The following NUP37 variants were observed in gnomAD, a reference collection of about 807,000 sequenced individuals.
The protein encoded by NUP37 is nucleoporin Nup37.
In NUP37, 33 loss-of-function variants were observed where a neutral mutation model predicts 45.4. That is an observed-to-expected ratio of 0.73 (90% confidence interval 0.55 to 0.97). The LOEUF (loss-of-function observed/expected upper bound fraction) is 0.97, where lower values mean the gene tolerates loss of function less well. Ranked by LOEUF, NUP37 falls within the 50% of genes least tolerant of loss-of-function variation. NUP37 has a pLI of 0.00. For synonymous variants in NUP37, 127 were observed against 130.7 expected (o/e 0.97, Z 0.19); for missense variants, 365 against 389.7 (o/e 0.94, Z 0.53).
chr12:102,086,216 A>C (rs1300952151), intron 5 of NUP37, among the ~76,000 whole-genome samples: 6 of 152,164 alleles, frequency 3.9e-5, no homozygotes, highest in Non-Finnish European at 7.3e-5. Flanking sequence ...CTACTTCAGT[A>C]GTCATTTCAA....
At chr12:102,081,655 G>C (rs1879335327) in intron 6 of NUP37, among the ~76,000 whole-genome samples, 1 of 152,106 alleles carries the variant, frequency 6.6e-6, no homozygotes, top group South Asian at 2.1e-4. Flanking sequence ...ACTTAGTACA[G>C]TCCCTGGAAA....
chr12:102,109,892 T>C (rs1262301979), intron 3 of NUP37, among the ~76,000 whole-genome samples: 5 of 152,202 alleles, frequency 3.3e-5, no homozygotes, highest in African/African-American at 9.7e-5. Flanking sequence ...GCTTTAAAAA[T>C]TTAAAGAATC....
rs1879082186 is a variant in NUP37 at position 102,073,310 on chromosome 12, A to G, written c.*1044T>C. The G allele has an allele frequency of 6.6e-6, 1 of 152,212 alleles. No homozygotes were observed. The highest frequency in any genetic ancestry group is 1.5e-5 in the Non-Finnish European group (1 of 68,040). The allele number at this position is 152,212 out of a possible 1,614,324, so 9.4% of individuals were successfully genotyped here. On this transcript the variant is annotated 3_prime_UTR_variant, in exon 10 of 10. Transcript: ENST00000552283. ...GACTGTACCATGATGTATCCCAAAA[A>G]TGTGATACAGCTGTCTTAGATAACG...
intron 5 of NUP37, among the ~76,000 whole-genome samples, chr12:102,091,570 T>C (rs759461222): frequency 3.2e-4 from 49 of 152,266 alleles, no homozygotes; most frequent in Non-Finnish European, 6.0e-4. Flanking sequence ...CTAGGATCTA[T>C]ATTAACATAC....
At chr12:102,101,865 C>T (rs564141109) in intron 3 of NUP37, among the ~76,000 whole-genome samples, 13 of 152,170 alleles carry the variant, frequency 8.5e-5, no homozygotes, top group African/African-American at 3.1e-4. Flanking sequence ...GCTGGGATTA[C>T]AGGCGCCCAC....
intron 6 of NUP37, among the ~76,000 whole-genome samples, chr12:102,083,875 G>A (rs1352865231): frequency 6.6e-6 from 1 of 152,232 alleles, no homozygotes; most frequent in Non-Finnish European, 1.5e-5. Context: ...GCCACGGGAT[G>A]TGTTGAAAAT....
chr12:102,082,550 A>G (rs1302923812), intron 6 of NUP37, among the ~76,000 whole-genome samples: 2 of 152,230 alleles, frequency 1.3e-5, no homozygotes, highest in African/African-American at 4.8e-5. Context: ...AGCACATTTA[A>G]TCTTATGTAT....
At position 102,112,179 on chromosome 12, in the gene NUP37, G is replaced by A. The variant is rs780920838; in HGVS notation, c.210C>T (p.His70=). 1.9e-6 allele frequency: 3 copies of A among 1,613,414 alleles called. No individual in the cohort carries two copies. In the African/African-American group the frequency reaches 4.0e-5, roughly 22 times the overall value. ...CTATGCCATCAACCCTGACTCCATG[G>A]TGAAATGTTCGAAGTGTTTTATACT... ...GIQYKTLRTF[H]HGVRVDGIAW... The change falls in exon 3 of 10, where the codon CAC becomes CAT. Residue 70 remains histidine (H), a synonymous_variant. Transcript: ENST00000552283.
chr12:102,100,976 A>G, intron 4 of NUP37, 56 bp downstream of exon 4: 1 of 1,131,320 alleles, frequency 8.8e-7, no homozygotes, highest in African/African-American at 1.6e-5. Context: ...TTAAAAAAGC[A>G]AAAAACAAAC....
At chr12:102,082,264 G>T (rs913250374) in intron 6 of NUP37, among the ~76,000 whole-genome samples, 3 of 151,834 alleles carry the variant, frequency 2.0e-5, no homozygotes, top group Admixed American at 2.0e-4. Flanking sequence ...TATATCTCTT[G>T]GGATTTTCAT....
chr12:102,074,576 A>G (rs1879115718), intron 9 of NUP37, 109 bp from the exon 10 acceptor site: 1 of 674,444 alleles, frequency 1.5e-6, no homozygotes, highest in Non-Finnish European at 2.5e-6. Context: ...TTGTAGCATA[A>G]ACAAAATTTA....
intron 3 of NUP37, among the ~76,000 whole-genome samples, chr12:102,102,911 G>C (rs1880016074): frequency 6.6e-6 from 1 of 152,072 alleles, no homozygotes; most frequent in South Asian, 2.1e-4. Context: ...GACCATAAAT[G>C]CATGAATTTA....
intron 5 of NUP37, among the ~76,000 whole-genome samples, chr12:102,091,115 G>A (rs568671917): frequency 8.5e-5 from 13 of 152,196 alleles, no homozygotes; most frequent in East Asian, 5.8e-4. Flanking sequence ...GCTCACAGCC[G>A]GCCAGGCACT....
chr12:102,081,663 A>G (rs536252669), intron 6 of NUP37, among the ~76,000 whole-genome samples: 105 of 152,306 alleles, frequency 6.9e-4, no homozygotes, highest in Middle Eastern at 3.4e-3. Context: ...CAGTCCCTGG[A>G]AAATAGAAAG....
intron 5 of NUP37, among the ~76,000 whole-genome samples, chr12:102,097,042 T>A (rs1018603608): frequency 1.3e-5 from 2 of 152,154 alleles, no homozygotes; most frequent in Non-Finnish European, 1.5e-5. Context: ...TAATGCCATA[T>A]GGGTCCATAT....
In NUP37 at chr12:102,077,149, T is replaced by A. The variant is rs1284332518; in HGVS notation, c.722+173A>T. On this transcript the variant is annotated intron_variant, in intron 7 of 9. Coordinates refer to ENST00000552283, the MANE Select transcript of NUP37 (RefSeq NM_024057.4). ...CTTTCTGGGTTACTCCCAGAGTAAA[T>A]CTGCATAGCAAGTTTATGTTATATA... 4 of 677,520 alleles carry A rather than the reference T, an allele frequency of 5.9e-6. No homozygotes were observed. The East Asian group carries it at 1.1e-4, about 18-fold the overall frequency. The allele number at this position is 677,520 out of a possible 1,614,324, so 42.0% of individuals were successfully genotyped here. A position where few individuals can be genotyped will look rare whatever the true frequency, so the allele number is the denominator to read the frequency against.
In NUP37 at chr12:102,101,112, C is replaced by CA. The variant is rs758417802; in HGVS notation, c.282-9dup. ...GCAGCTGAAGTACAAAATCTGGAAG[C>CA]AAAAAAACAAAAATATACCAATTTT... On this transcript the variant is annotated splice_polypyrimidine_tract_variant and intron_variant, in intron 3 of 9. Transcript: ENST00000552283. 11 of 1,524,498 alleles carry CA rather than the reference C, an allele frequency of 7.2e-6. No individual in the cohort carries two copies. The highest frequency in any genetic ancestry group is 2.8e-5 in the African/African-American group (2 of 71,236). The allele number at this position is 1,524,498 out of a possible 1,614,324, so 94.4% of individuals were successfully genotyped here. A position where few individuals can be genotyped will look rare whatever the true frequency, so the allele number is the denominator to read the frequency against.
At position 102,077,593 on chromosome 12, in the gene NUP37, A is replaced by T. The variant is rs571093851; in HGVS notation, c.541-90T>A. ...GCAGAGATTCACTGTTGTACGGTAA[A>T]ATGTAAACATTTGCAATATACAGGT... On this transcript the variant is annotated intron_variant, in intron 6 of 9. Coordinates refer to ENST00000552283, the MANE Select transcript of NUP37 (RefSeq NM_024057.4). The T allele has an allele frequency of 3.2e-6, 4 of 1,257,856 alleles. No homozygotes were observed. In the East Asian group the frequency reaches 7.1e-5, roughly 22 times the overall value. 77.9% of individuals were successfully genotyped at this position (1,257,856 alleles called of 1,614,324 possible). A position where few individuals can be genotyped will look rare whatever the true frequency, so the allele number is the denominator to read the frequency against.
rs1425121821 is a variant in NUP37 at position 102,074,331 on chromosome 12, G to T, written c.*23C>A. On this transcript the variant is annotated 3_prime_UTR_variant, in exon 10 of 10. Transcript: ENST00000552283. Reference sequence around the variant, plus strand: ...TATGTACTAAAAATACAAAGTTTGTGAATCTAAGGTACAGAAAACACTTTA... The same window carrying T: ...TATGTACTAAAAATACAAAGTTTGTTAATCTAAGGTACAGAAAACACTTTA... The T allele has an allele frequency of 5.7e-6, 8 of 1,407,016 alleles. No homozygotes were observed. Among genetic ancestry groups the T allele is most frequent in the Non-Finnish European group, 7.9e-6 (8 of 1,007,118 alleles). 87.2% of individuals were successfully genotyped at this position (1,407,016 alleles called of 1,614,324 possible). A position where few individuals can be genotyped will look rare whatever the true frequency, so the allele number is the denominator to read the frequency against.
Sources: gnomAD v4.1 joint callset for allele counts (sites outside exome capture counted in the v4.1 genomes callset) on GRCh38, gnomAD v4.1.1 for gene constraint, MANE v1.5 for transcripts, NCBI Gene and HGNC (gene_info 2026-07-23, HGNC 2026-07-21) for gene names.